SGCZ: variants seen among roughly 807,000 people sequenced by gnomAD.
SGCZ encodes the protein sarcoglycan zeta.
In SGCZ, 40 loss-of-function variants were observed where a neutral mutation model predicts 41.3. The ratio of observed to expected loss-of-function variants is 0.97; its 90% CI spans 0.75 to 1.26. The LOEUF (loss-of-function observed/expected upper bound fraction) is 1.26. Ranked by LOEUF, SGCZ falls within the 50% of genes most tolerant of loss-of-function variation. The pLI, the probability that SGCZ is intolerant of heterozygous loss-of-function variation, is 0.00. For synonymous variants in SGCZ, 206 were observed against 137.5 expected, an observed-to-expected ratio of 1.50 and a Z score of -3.49; for missense variants, 552 against 369.8, an observed-to-expected ratio of 1.49 and a Z score of -4.04.
intron 6 of SGCZ, among the ~76,000 whole-genome samples, chr8:14,106,021 A>C (rs1389720176): frequency 6.6e-6 from 1 of 152,192 alleles, no homozygotes; most frequent in Non-Finnish European, 1.5e-5. Flanking sequence ...AGATGAAAAA[A>C]ATTGGAATCA....
chr8:14,507,289 G>C lies in SGCZ; in HGVS notation c.234+47443C>G, dbSNP rs371656594. Among the ~76,000 whole-genome samples the C allele has an allele frequency of 3.3e-5, 5 of 152,200 alleles. No individual in the cohort carries two copies. The South Asian group carries it at 6.2e-4, about 19-fold the overall frequency. On this transcript the variant is annotated intron_variant, in intron 2 of 7. Transcript: ENST00000382080. The stretch of plus-strand genomic sequence containing the variant: ...CCACCGTCTTTCTTACACTCCCATA[G>C]CATTCTCCATCCCAAGCATTCCATC...
At chr8:14,172,580 G>A (rs1804420109) in intron 4 of SGCZ, among the ~76,000 whole-genome samples, 1 of 152,102 alleles carries the variant, frequency 6.6e-6, no homozygotes, top group African/African-American at 2.4e-5. Context: ...AATGTTTGTT[G>A]TAATTGTCTT....
At chr8:14,188,021 G>A (rs1467013051) in intron 4 of SGCZ, among the ~76,000 whole-genome samples, 1 of 152,088 alleles carries the variant, frequency 6.6e-6, no homozygotes, top group Non-Finnish European at 1.5e-5. Context: ...TGGAGAGGAA[G>A]TAGTAGGACA....
chr8:15,106,425 CTTTAA>C (rs1038204319), intron 1 of SGCZ, among the ~76,000 whole-genome samples: 28 of 151,968 alleles, frequency 1.8e-4, no homozygotes, highest in African/African-American at 5.1e-4. Flanking sequence ...CATTCATATA[CTTTAA>C]TTTTAAATTT....
At chr8:14,649,714 T>A (rs1302555538) in intron 1 of SGCZ, among the ~76,000 whole-genome samples, 6 of 151,960 alleles carry the variant, frequency 3.9e-5, no homozygotes, top group African/African-American at 1.5e-4. Context: ...TTAATGACAA[T>A]CAGTAACCTG....
intron 2 of SGCZ, among the ~76,000 whole-genome samples, chr8:14,399,242 G>C (rs1799004863): frequency 6.6e-6 from 1 of 151,982 alleles, no homozygotes; most frequent in African/African-American, 2.4e-5. Flanking sequence ...TGAGATTTTT[G>C]TATAATACTT....
chr8:14,554,830 T>C lies in SGCZ; in HGVS notation c.136A>G (p.Lys46Glu), dbSNP rs1374229847. 1 of 1,613,246 alleles carries C rather than the reference T, an allele frequency of 6.2e-7. No homozygotes were observed. Among genetic ancestry groups the C allele is most frequent in the African/African-American group, 1.3e-5 (1 of 74,844 alleles). The change falls in exon 2 of 8, where the codon AAG becomes GAG. Residue 46 changes from lysine to glutamate, a missense_variant. By Grantham distance (56) the Lys-to-Glu change is moderately conservative. Coordinates refer to ENST00000382080, the MANE Select transcript of SGCZ (RefSeq NM_139167.4). ...LYPVGIYGWRKRCLYFFVLLL... is the reference protein window; with the variant it reads ...LYPVGIYGWRERCLYFFVLLL... ...AGGACAAAGAAGTATAAGCACCTCT[T>C]TCGCCATCCATAAATTCCCACTGGG...
intron 1 of SGCZ, among the ~76,000 whole-genome samples, chr8:15,083,833 G>A (rs1805851226): frequency 6.6e-6 from 1 of 152,092 alleles, no homozygotes; most frequent in Non-Finnish European, 1.5e-5. Context: ...GGCTCAAACA[G>A]TCTTCCCACC....
At chr8:14,417,180 T>C (rs1248782117) in intron 2 of SGCZ, among the ~76,000 whole-genome samples, 1 of 151,772 alleles carries the variant, frequency 6.6e-6, no homozygotes, top group African/African-American at 2.4e-5. Flanking sequence ...GGGAAAGTAA[T>C]TGTAACATGG....
At chr8:14,485,440 G>T (rs1801646483) in intron 2 of SGCZ, among the ~76,000 whole-genome samples, 1 of 151,964 alleles carries the variant, frequency 6.6e-6, no homozygotes, top group Admixed American at 6.6e-5. Context: ...GTTTCACCTT[G>T]TTAGCCAGGA....
At chr8:14,701,884 A>C (rs1809148808) in intron 1 of SGCZ, among the ~76,000 whole-genome samples, 2 of 151,926 alleles carry the variant, frequency 1.3e-5, no homozygotes, top group Non-Finnish European at 1.5e-5. Context: ...TCAACCTAAA[A>C]ATATGTGGAA....
chr8:14,113,234 T>A (rs1802426701), intron 5 of SGCZ, among the ~76,000 whole-genome samples: 1 of 152,132 alleles, frequency 6.6e-6, no homozygotes, highest in Admixed American at 6.6e-5. Flanking sequence ...CCCATTTGTG[T>A]GTTCAAACAT....
intron 3 of SGCZ, among the ~76,000 whole-genome samples, chr8:14,293,065 T>C (rs966897014): frequency 2.6e-5 from 4 of 152,102 alleles, no homozygotes; most frequent in South Asian, 2.1e-4. Flanking sequence ...CAAATGTATA[T>C]TGACCCTACA....
intron 1 of SGCZ, among the ~76,000 whole-genome samples, chr8:15,201,455 C>G (rs1414647323): frequency 1.3e-5 from 2 of 152,194 alleles, no homozygotes; most frequent in Non-Finnish European, 2.9e-5. Context: ...TGTTTATGTC[C>G]TTTCACTTCA....
intron 5 of SGCZ, among the ~76,000 whole-genome samples, chr8:14,150,309 A>T (rs984410725): frequency 2.0e-5 from 3 of 152,230 alleles, no homozygotes; most frequent in African/African-American, 7.2e-5. Context: ...ACCAGAATAC[A>T]TAAGGAGCTC....
chr8:14,417,433 C>G (rs1378162242), intron 2 of SGCZ, among the ~76,000 whole-genome samples: 1 of 151,808 alleles, frequency 6.6e-6, no homozygotes, highest in Non-Finnish European at 1.5e-5. Context: ...TTTTTTCACT[C>G]TTTCCTCCAA....
chr8:14,616,304 A>T (rs1047558815), intron 1 of SGCZ, among the ~76,000 whole-genome samples: 1 of 151,714 alleles, frequency 6.6e-6, no homozygotes, highest in African/African-American at 2.4e-5. Context: ...AGAAAAAAAG[A>T]AAAACCCTGA....
chr8:14,469,569 T>C (rs1801150785), intron 2 of SGCZ, among the ~76,000 whole-genome samples: 1 of 152,038 alleles, frequency 6.6e-6, no homozygotes, highest in Non-Finnish European at 1.5e-5. Context: ...ATCTTTGAAG[T>C]GGTGTCTCTT....
intron 1 of SGCZ, among the ~76,000 whole-genome samples, chr8:14,614,834 T>G (rs1260999661): frequency 6.6e-6 from 1 of 152,090 alleles, no homozygotes; most frequent in Non-Finnish European, 1.5e-5. Flanking sequence ...TAATAAAATA[T>G]TTGAATAAAA....
Sources: allele counts gnomAD v4.1 joint callset (sites outside exome capture counted in the v4.1 genomes callset), GRCh38; gene constraint gnomAD v4.1.1; transcripts MANE v1.5; gene names NCBI Gene and HGNC (gene_info 2026-07-23, HGNC 2026-07-21).